PLCE1: variants seen among roughly 807,000 people sequenced by gnomAD.
PLCE1 encodes 1-phosphatidylinositol 4,5-bisphosphate phosphodiesterase epsilon-1.
PLCE1 carries 119 observed loss-of-function variants against 242.8 expected under a neutral mutation model. The observed-to-expected ratio is 0.49, with a 90% CI of 0.42 to 0.57. The LOEUF (loss-of-function observed/expected upper bound fraction) is 0.57. PLCE1 is among the 20% of genes least tolerant of loss of function. The pLI is 0.00. For missense variants in PLCE1, 2,441 were observed against 2,788.8 expected (o/e 0.88, Z 2.81); for synonymous variants, 945 against 1,017.4 (o/e 0.93, Z 1.35).
chr10:94,323,869 TAAATG>T (rs2053913309), intron 30 of PLCE1, among the ~76,000 whole-genome samples: 1 of 152,196 alleles, frequency 6.6e-6, no homozygotes, highest in Non-Finnish European at 1.5e-5. Flanking sequence ...ATTCTTATAT[TAAATG>T]AAAAGAGAGA....
At chr10:94,225,881 C>A (rs926487772) in intron 4 of PLCE1, among the ~76,000 whole-genome samples, 5 of 152,226 alleles carry the variant, frequency 3.3e-5, no homozygotes, top group African/African-American at 1.2e-4. Flanking sequence ...GCTCTTATTT[C>A]CTGCAGTTGT....
chr10:94,296,313 C>A (rs2133496416), intron 23 of PLCE1, among the ~76,000 whole-genome samples: 1 of 150,422 alleles, frequency 6.6e-6, no homozygotes, highest in Non-Finnish European at 1.5e-5. Context: ...TTGCAGTGAG[C>A]CAAGATCGCA....
chr10:94,181,957 G>A (rs1003214004), intron 4 of PLCE1, among the ~76,000 whole-genome samples: 1 of 152,090 alleles, frequency 6.6e-6, no homozygotes, highest in African/African-American at 2.4e-5. Flanking sequence ...ATAACTTCAC[G>A]AGATAACGCT....
At chr10:94,177,934 C>T (rs1430055494) in intron 4 of PLCE1, among the ~76,000 whole-genome samples, 7 of 152,182 alleles carry the variant, frequency 4.6e-5, no homozygotes, top group South Asian at 2.1e-4. Context: ...TTTGGTGGAA[C>T]GTGGAGTGAG....
At chr10:94,198,949 G>T (rs897632593) in intron 4 of PLCE1, among the ~76,000 whole-genome samples, 39 of 152,310 alleles carry the variant, frequency 2.6e-4, no homozygotes, top group African/African-American at 8.7e-4. Flanking sequence ...CTACTTGGGA[G>T]GCTGAGGTAG....
At chr10:93,994,849 T>C (rs1403116695) in intron 1 of PLCE1, among the ~76,000 whole-genome samples, 1 of 152,266 alleles carries the variant, frequency 6.6e-6, no homozygotes, top group Non-Finnish European at 1.5e-5. Context: ...TCAGCCGACT[T>C]AACCAATTAT....
Position 94,306,032 on chromosome 10 carries a change from C to T in PLCE1, c.5623-395C>T, listed in dbSNP as rs1300878699. On this transcript the variant is annotated intron_variant, in intron 25 of 32. Transcript: ENST00000371380. This position sits in a 1 kb window ranked among gnomAD's most constrained non-coding sequence, Gnocchi z 5.7. Reference sequence around the variant, plus strand: ...CTGTCACCAGGCTGGAGTACAGTGGCGTGATCTCAGCTCACTGCAACCTCT... The same window carrying T: ...CTGTCACCAGGCTGGAGTACAGTGGTGTGATCTCAGCTCACTGCAACCTCT... Among the ~76,000 whole-genome samples, 8 of 151,378 alleles carry T rather than the reference C, an allele frequency of 5.3e-5. No homozygotes were observed. Among genetic ancestry groups the T allele is most frequent in the Admixed American group, 3.3e-4 (5 of 15,180 alleles).
At position 94,071,495 on chromosome 10, in the gene PLCE1, G is replaced by GTTTTTTTTGT. The variant is rs2044352464; in HGVS notation, c.1206+39251_1206+39252insGTTTTTTTTT. 2.4e-5 allele frequency among the ~76,000 whole-genome samples: 2 copies of GTTTTTTTTGT among 83,316 alleles called. 1 individual carries two copies. Among genetic ancestry groups the GTTTTTTTTGT allele is most frequent in the African/African-American group, 1.1e-4 (2 of 18,662 alleles). 54.7% of individuals were successfully genotyped at this position (83,316 alleles called of 152,430 possible). A position where few individuals can be genotyped will look rare whatever the true frequency, so the allele number is the denominator to read the frequency against. Reference sequence around the variant, plus strand: ...GTCTGTGTGTGTGTGTTTGGTTTTCGTTTTTTTTTTTTTTTTTTTTTGAGT... The same window carrying GTTTTTTTTGT: ...GTCTGTGTGTGTGTGTTTGGTTTTCGTTTTTTTTGTTTTTTTTTTTTTTTTTTTTTTGAGT... On this transcript the variant is annotated intron_variant, in intron 2 of 32. Coordinates refer to ENST00000371380, the MANE Select transcript of PLCE1 (RefSeq NM_016341.4).
At chr10:94,114,942 G>A (rs1247084061) in intron 2 of PLCE1, among the ~76,000 whole-genome samples, 15 of 141,850 alleles carry the variant, frequency 1.1e-4, no homozygotes, top group East Asian at 8.4e-4. Context: ...AACAGGCCCC[G>A]GTGTGTGATG....
At position 94,254,252 on chromosome 10, in the gene PLCE1, G is replaced by GT; in HGVS notation, c.3343dup (p.Cys1115LeufsTer8). 1 of 1,614,102 alleles carries GT rather than the reference G, an allele frequency of 6.2e-7. No homozygotes were observed. Among genetic ancestry groups the GT allele is most frequent in the Non-Finnish European group, 8.5e-7 (1 of 1,179,964 alleles). ...CCCGAAAGGCCAAGATGCACAAAGA[G>GT]TGTCGAAGCCGGAGTGGTTCTGATC... is the stretch of plus-strand genomic sequence containing the variant. On this transcript the variant is annotated frameshift_variant, in exon 10 of 33. Transcript: ENST00000371380. LOFTEE classifies it high-confidence loss of function.
rs2054154285 is a variant in PLCE1, at chr10:94,331,367, T to A, written c.*3424T>A. ...CTTCTCTCCTCTTCCAATATCTCTA[T>A]AGACTTCTGTCCTCTGCCCAGAGAC... On this transcript the variant is annotated 3_prime_UTR_variant, in exon 33 of 33. Coordinates refer to ENST00000371380, the MANE Select transcript of PLCE1 (RefSeq NM_016341.4). 6.6e-6 allele frequency: 1 copy of A among 152,220 alleles called. No homozygotes were observed. Among genetic ancestry groups the A allele is most frequent in the Non-Finnish European group, 1.5e-5 (1 of 68,048 alleles). 9.4% of individuals were successfully genotyped at this position (152,220 alleles called of 1,614,324 possible). A position where few individuals can be genotyped will look rare whatever the true frequency, so the allele number is the denominator to read the frequency against.
chr10:94,066,382 A>G (rs1416455478), intron 2 of PLCE1, among the ~76,000 whole-genome samples: 1 of 152,186 alleles, frequency 6.6e-6, no homozygotes, highest in Non-Finnish European at 1.5e-5. Context: ...GGCTGTTGGA[A>G]TTGTATCCTT....
At chr10:94,253,954 T>A (rs2050972887) in intron 9 of PLCE1, among the ~76,000 whole-genome samples, 1 of 152,236 alleles carries the variant, frequency 6.6e-6, no homozygotes, top group African/African-American at 2.4e-5. Context: ...TTCCGGAGGT[T>A]CTGTGCCGCC....
chr10:94,074,410 GCCC>G (rs1241296692), intron 2 of PLCE1, among the ~76,000 whole-genome samples: 1 of 151,788 alleles, frequency 6.6e-6, no homozygotes, highest in African/African-American at 2.4e-5. Flanking sequence ...TCCCTATGTT[GCCC>G]AGGCTGGTCT....
chr10:94,261,612 A>G (rs1231688760), intron 13 of PLCE1, among the ~76,000 whole-genome samples: 12 of 152,204 alleles, frequency 7.9e-5, no homozygotes, highest in African/African-American at 2.9e-4. Flanking sequence ...TAAAATGGCC[A>G]TACCAAAGTT....
At position 94,171,329 on chromosome 10, in the gene PLCE1, C is replaced by T. The variant is rs369152754; in HGVS notation, c.1642C>T (p.Arg548Cys). 2.5e-5 allele frequency: 41 copies of T among 1,614,012 alleles called. No homozygotes were observed. The Admixed American group carries it at 4.0e-4, about 16-fold the overall frequency. ...ILMEQEQTIY[R>C]RVLPVDYLCF... ...GATGGAGCAAGAGCAGACTATTTACCGCAGGGTCTTGCCAGTCGACTACCT... is the reference window on the plus strand; with the variant it reads ...GATGGAGCAAGAGCAGACTATTTACTGCAGGGTCTTGCCAGTCGACTACCT... Residue 548 changes from arginine (R) to cysteine (C), a missense_variant, in exon 4 of 33, where the codon CGC (arginine) becomes TGC (cysteine). By Grantham distance (180) the Arg-to-Cys change is radical. Transcript: ENST00000371380.
At chr10:94,191,505 G>A (rs2136613603) in intron 4 of PLCE1, among the ~76,000 whole-genome samples, 1 of 152,152 alleles carries the variant, frequency 6.6e-6, no homozygotes, top group Non-Finnish European at 1.5e-5. Context: ...CCCAGGTGTG[G>A]GGTACGTGCC....
chr10:94,031,777 G>T lies in PLCE1; in HGVS notation c.731G>T (p.Cys244Phe), dbSNP rs1206410558. Residue 244 changes from cysteine to phenylalanine, a missense_variant, in exon 2 of 33, where the codon TGT (cysteine) becomes TTT (phenylalanine). Physicochemically the swap from Cys to Phe is radical, Grantham distance 205 (BLOSUM62 -2). Coordinates refer to ENST00000371380, the MANE Select transcript of PLCE1 (RefSeq NM_016341.4). ...TCKLMELAKN[C>F]DNKNEQLQCD... ...AAACTGATGGAATTGGCCAAAAATT[G>T]TGATAATAAGAATGAGCAGCTGCAG... 6.8e-6 allele frequency: 11 copies of T among 1,613,748 alleles called. No individual in the cohort carries two copies. The highest frequency in any genetic ancestry group is 8.5e-6 in the Non-Finnish European group (10 of 1,179,846).
chr10:94,299,186 G>GTCC (rs2052948871), intron 24 of PLCE1, among the ~76,000 whole-genome samples: 1 of 152,216 alleles, frequency 6.6e-6, no homozygotes, highest in Non-Finnish European at 1.5e-5. Flanking sequence ...CATGAACAGA[G>GTCC]TAAGTAGTGA....
Sources: gnomAD v4.1 joint callset for allele counts (sites outside exome capture counted in the v4.1 genomes callset) on GRCh38, gnomAD v4.1.1 for gene constraint, Gnocchi (gnomAD v3.1) non-coding constraint, MANE v1.5 for transcripts, NCBI Gene and HGNC (gene_info 2026-07-23, HGNC 2026-07-21) for gene names.